Variants in CERS6 observed in about 807,000 individuals in gnomAD.
The protein encoded by CERS6 is LAG1 homolog, ceramide synthase 6.
In CERS6, 26 loss-of-function variants were observed where a neutral mutation model predicts 56.8. The ratio of observed to expected loss-of-function variants is 0.46; its 90% CI spans 0.34 to 0.63. The LOEUF (loss-of-function observed/expected upper bound fraction) is 0.63, where lower values mean the gene tolerates loss of function less well. Ranked by LOEUF, CERS6 falls within the 30% of genes least tolerant of loss-of-function variation. CERS6 has a pLI of 0.01. For missense variants in CERS6, 415 were observed against 467.5 expected, an observed-to-expected ratio of 0.89 and a Z score of 1.04; for synonymous variants, 164 against 173.3, an observed-to-expected ratio of 0.95 and a Z score of 0.42.
At chr2:168,631,810 AATTT>A (rs1196801373) in intron 4 of CERS6, among the ~76,000 whole-genome samples, 15 of 123,738 alleles carry the variant, frequency 1.2e-4, no homozygotes, top group African/African-American at 4.0e-4. Context: ...TATATTATAT[AATTT>A]ATTATATATT....
intron 4 of CERS6, among the ~76,000 whole-genome samples, chr2:168,687,543 C>T (rs1010853309): frequency 3.3e-5 from 5 of 152,220 alleles, no homozygotes; most frequent in South Asian, 4.2e-4. Flanking sequence ...TCTTTAATGG[C>T]GTCTGCTGGC....
intron 1 of CERS6, among the ~76,000 whole-genome samples, chr2:168,506,040 G>A (rs969592324): frequency 3.9e-5 from 6 of 152,068 alleles, no homozygotes; most frequent in Non-Finnish European, 5.9e-5. Flanking sequence ...GAATGTCCTC[G>A]CTGCCTGAAT....
intron 1 of CERS6, among the ~76,000 whole-genome samples, chr2:168,477,796 G>A (rs926800238): frequency 1.1e-4 from 16 of 152,178 alleles, no homozygotes; most frequent in Admixed American, 1.0e-3. Context: ...ACTTGCAAAC[G>A]CTTGCCAATT....
intron 1 of CERS6, among the ~76,000 whole-genome samples, chr2:168,546,521 T>C (rs1695468595): frequency 6.6e-6 from 1 of 152,234 alleles, no homozygotes; most frequent in Admixed American, 6.5e-5. Context: ...TGTGGTACTT[T>C]ACATGTAAGT....
At chr2:168,579,927 C>T in intron 3 of CERS6, among the ~76,000 whole-genome samples, 1 of 152,160 alleles carries the variant, frequency 6.6e-6, no homozygotes, top group African/African-American at 2.4e-5. Flanking sequence ...CAACTTTCTG[C>T]ATCTCCCTAG....
chr2:168,566,330 C>A (rs1695882460), intron 3 of CERS6, among the ~76,000 whole-genome samples: 1 of 152,178 alleles, frequency 6.6e-6, no homozygotes. Flanking sequence ...ATTCCCTTTT[C>A]TTTAGGAATT....
Position 168,769,573 on chromosome 2 carries a change from G to A in CERS6, c.1066G>A (p.Gly356Arg). ...SSDEEDSEPP[G>R]KNPHTATTTN... is the part of the protein sequence containing the mutation. ...AGATGAGGAGGACTCAGAACCTCCG[G>A]GAAAGAATCCCCACACTGCGACAAC... Residue 356 changes from glycine (G) to arginine (R), a missense_variant, in exon 10 of 10, where the codon GGA becomes AGA. By Grantham distance (125) the Gly-to-Arg change is moderately radical (BLOSUM62 -2). Coordinates refer to ENST00000305747, the MANE Select transcript of CERS6 (RefSeq NM_203463.3). 1 of 1,612,540 alleles carries A rather than the reference G, an allele frequency of 6.2e-7. No homozygotes were observed. The highest frequency in any genetic ancestry group is 8.5e-7 in the Non-Finnish European group (1 of 1,179,576).
At chr2:168,669,591 C>A (rs1008904326) in intron 4 of CERS6, among the ~76,000 whole-genome samples, 3 of 152,132 alleles carry the variant, frequency 2.0e-5, no homozygotes, top group African/African-American at 7.2e-5. Context: ...GCAAAATAAA[C>A]CTGTTATTAC....
At chr2:168,676,917 C>G (rs1686074914) in intron 4 of CERS6, among the ~76,000 whole-genome samples, 1 of 151,862 alleles carries the variant, frequency 6.6e-6, no homozygotes, top group African/African-American at 2.4e-5. Context: ...AAGACAGTGT[C>G]CATGAGTAGA....
chr2:168,474,772 C>A (rs1694039275), intron 1 of CERS6, among the ~76,000 whole-genome samples: 2 of 152,294 alleles, frequency 1.3e-5, no homozygotes, highest in Non-Finnish European at 2.9e-5. Flanking sequence ...CTTCCCAACT[C>A]ATTGCCTTAG....
intron 8 of CERS6, among the ~76,000 whole-genome samples, chr2:168,749,925 G>T (rs1474447469): frequency 6.6e-6 from 1 of 152,222 alleles, no homozygotes. Flanking sequence ...GGGCAGTTTT[G>T]CAGTCATATT....
intron 4 of CERS6, among the ~76,000 whole-genome samples, chr2:168,665,031 C>G (rs1685723123): frequency 6.6e-6 from 1 of 152,156 alleles, no homozygotes; most frequent in African/African-American, 2.4e-5. Context: ...CCTACCTTGT[C>G]TTGAGCTTCT....
At chr2:168,643,683 G>A (rs1000614936) in intron 4 of CERS6, among the ~76,000 whole-genome samples, 4 of 151,972 alleles carry the variant, frequency 2.6e-5, no homozygotes, top group South Asian at 2.1e-4. Context: ...TGCGTTTTTC[G>A]GCTCACAGTG....
At chr2:168,620,150 CTAT>C (rs1684434227) in intron 3 of CERS6, among the ~76,000 whole-genome samples, 1 of 151,312 alleles carries the variant, frequency 6.6e-6, no homozygotes. Flanking sequence ...AGATTGGAGA[CTAT>C]TATTCTAAGT....
intron 1 of CERS6, among the ~76,000 whole-genome samples, chr2:168,508,912 G>C (rs1405589222): frequency 6.6e-6 from 1 of 152,150 alleles, no homozygotes; most frequent in Admixed American, 6.5e-5. Context: ...TCAGATTACT[G>C]TTAAGTGTTT....
chr2:168,607,433 G>C (rs1231855478), intron 3 of CERS6, among the ~76,000 whole-genome samples: 1 of 152,138 alleles, frequency 6.6e-6, no homozygotes, highest in Non-Finnish European at 1.5e-5. Context: ...CCAGGCTAGA[G>C]TGCAGTGGCA....
intron 5 of CERS6, among the ~76,000 whole-genome samples, chr2:168,692,454 G>A (rs1686529825): frequency 6.6e-6 from 1 of 152,128 alleles, no homozygotes; most frequent in Non-Finnish European, 1.5e-5. Context: ...CTGAGAAATT[G>A]CTTATTTCTG....
At chr2:168,717,734 G>A (rs538562635) in intron 7 of CERS6, 138 bp from the exon 8 acceptor site, 33 of 575,404 alleles carry the variant, frequency 5.7e-5, no homozygotes, top group African/African-American at 9.6e-5. Context: ...CATTTCAATC[G>A]CAGGCTGAAA....
intron 2 of CERS6, among the ~76,000 whole-genome samples, chr2:168,550,676 C>T (rs976414060): frequency 6.6e-6 from 1 of 152,210 alleles, no homozygotes; most frequent in African/African-American, 2.4e-5. Flanking sequence ...CAGAGAAATA[C>T]AGTCAGGCCT....
Sources: allele counts gnomAD v4.1 joint callset (sites outside exome capture counted in the v4.1 genomes callset), GRCh38; gene constraint gnomAD v4.1.1; transcripts MANE v1.5; gene names NCBI Gene and HGNC (gene_info 2026-07-23, HGNC 2026-07-21).